ADHFE1: variants seen among roughly 807,000 people sequenced by gnomAD.
ADHFE1 encodes hydroxyacid-oxoacid transhydrogenase, mitochondrial.
Under a neutral mutation model 54.8 loss-of-function variants are expected in ADHFE1, and 37 were observed. The ratio of observed to expected loss-of-function variants is 0.68; its 90% CI spans 0.52 to 0.89. ADHFE1 has a LOEUF of 0.89. ADHFE1 is among the 40% of genes least tolerant of loss of function. The pLI is 0.00. For synonymous variants in ADHFE1, 203 were observed against 229.3 expected (o/e 0.89, Z 1.04); for missense variants, 601 against 591.2 (o/e 1.02, Z -0.17).
chr8:66,466,506 A>G (rs1428160923), intron 13 of ADHFE1, among the ~76,000 whole-genome samples: 1 of 151,220 alleles, frequency 6.6e-6, no homozygotes, highest in Non-Finnish European at 1.5e-5. Context: ...TTTTGAGCGA[A>G]TTTTTTTAAT....
intron 13 of ADHFE1, among the ~76,000 whole-genome samples, chr8:66,467,199 T>C (rs1807237437): frequency 6.6e-6 from 1 of 152,074 alleles, no homozygotes; most frequent in Non-Finnish European, 1.5e-5. Context: ...GACTGGGGCT[T>C]CATTTTGGAA....
intron 12 of ADHFE1, among the ~76,000 whole-genome samples, chr8:66,458,532 T>G (rs1471230526): frequency 1.3e-5 from 2 of 152,146 alleles, no homozygotes; most frequent in African/African-American, 4.8e-5. Context: ...AGCATGTAAA[T>G]AAGAAGAGAG....
intron 13 of ADHFE1, among the ~76,000 whole-genome samples, chr8:66,467,215 A>C (rs1015226261): frequency 6.6e-6 from 1 of 152,166 alleles, no homozygotes; most frequent in African/African-American, 2.4e-5. Flanking sequence ...TGGAAGTAGG[A>C]CTGACACTCC....
intron 6 of ADHFE1, among the ~76,000 whole-genome samples, chr8:66,446,944 C>G (rs1806065696): frequency 6.6e-6 from 1 of 152,204 alleles, no homozygotes; most frequent in Non-Finnish European, 1.5e-5. Flanking sequence ...AATGTACATG[C>G]TAAACATACA....
intron 8 of ADHFE1, 152 bp from the exon 9 acceptor site, chr8:66,451,801 T>C: frequency 1.3e-6 from 1 of 776,482 alleles, no homozygotes; most frequent in Non-Finnish European, 2.0e-6. Flanking sequence ...AGGCAAGAGG[T>C]GGGCTGGTAG....
intron 10 of ADHFE1, 145 bp downstream of exon 10, chr8:66,454,302 T>C: frequency 1.4e-6 from 1 of 727,732 alleles, no homozygotes; most frequent in East Asian, 3.1e-5. Context: ...TATTCTTCTT[T>C]TTCTTTTTTT....
chr8:66,462,741 G>T (rs1396870601), intron 13 of ADHFE1, among the ~76,000 whole-genome samples: 1 of 152,206 alleles, frequency 6.6e-6, no homozygotes, highest in Non-Finnish European at 1.5e-5. Context: ...TTGGCGATTT[G>T]ATTGCTGACC....
rs373976768 is a variant in ADHFE1, at chr8:66,454,182, C to T, written c.986+25C>T. The T allele has an allele frequency of 1.6e-5, 25 of 1,610,110 alleles. No individual in the cohort carries two copies. The African/African-American group carries it at 3.3e-4, about 22-fold the overall frequency. ...GGTGAGCAAGTCTGAGATTTCATTT[C>T]TTTACTCAAGCTATTGCTTTAAAAA... On this transcript the variant is annotated intron_variant, in intron 10 of 13. Coordinates refer to ENST00000396623, the MANE Select transcript of ADHFE1 (RefSeq NM_144650.3).
In ADHFE1 at chr8:66,445,423, T is replaced by C. The variant is rs772018036; in HGVS notation, c.550+9T>C. ...TAAGCCTCTGATTGCAGGTAAAGAC[T>C]GTTTATTTCTTTGTTTGTTTTATTT... On this transcript the variant is annotated intron_variant, in intron 6 of 13. Transcript: ENST00000396623. 2 of 1,589,204 alleles carry C rather than the reference T, an allele frequency of 1.3e-6. No individual in the cohort carries two copies. Among genetic ancestry groups the C allele is most frequent in the Non-Finnish European group, 8.5e-7 (1 of 1,170,812 alleles).
intron 10 of ADHFE1, among the ~76,000 whole-genome samples, chr8:66,454,800 A>G (rs1056528048): frequency 2.7e-5 from 4 of 150,264 alleles, no homozygotes; most frequent in African/African-American, 7.4e-5. Context: ...TGCAACCTCC[A>G]CCTCCCAGGT....
At position 66,457,058 on chromosome 8, in the gene ADHFE1, G is replaced by C; in HGVS notation, c.1066-12G>C. 6.2e-7 allele frequency: 1 copy of C among 1,609,070 alleles called. No individual in the cohort carries two copies. The highest frequency in any genetic ancestry group is 8.5e-7 in the Non-Finnish European group (1 of 1,177,120). On this transcript the variant is annotated splice_polypyrimidine_tract_variant and intron_variant, in intron 11 of 13. Coordinates refer to ENST00000396623, the MANE Select transcript of ADHFE1 (RefSeq NM_144650.3). The stretch of plus-strand genomic sequence containing the variant: ...TGTCATCTGCCGGTCACCGCATTTC[G>C]TTTCTCCCCAGCCCCATGGCCTTTC...
At chr8:66,461,888 T>G (rs1806917734) in intron 13 of ADHFE1, among the ~76,000 whole-genome samples, 1 of 151,676 alleles carries the variant, frequency 6.6e-6, no homozygotes, top group Admixed American at 6.6e-5. Context: ...AACAAAGGAG[T>G]CTCAAAGTAT....
chr8:66,442,480 T>C (rs1373232189), intron 2 of ADHFE1, among the ~76,000 whole-genome samples: 2 of 151,862 alleles, frequency 1.3e-5, no homozygotes, highest in East Asian at 3.9e-4. Flanking sequence ...CTGGCTAATT[T>C]TTTTGTATTT....
chr8:66,432,863 G>A (rs1805274938), intron 1 of ADHFE1: 1 of 1,212,988 alleles, frequency 8.2e-7, no homozygotes, highest in South Asian at 4.3e-5. Context: ...GCAGTGGAGA[G>A]CTTGGCACGG....
chr8:66,442,610 C>T (rs1254536104), intron 2 of ADHFE1, among the ~76,000 whole-genome samples, 188 bp from the exon 3 acceptor site: 4 of 152,144 alleles, frequency 2.6e-5, no homozygotes, highest in Non-Finnish European at 2.9e-5. Flanking sequence ...TGTGCTTGGC[C>T]GCATTACATT....
rs1442399205 is a variant in ADHFE1, at chr8:66,439,008, T to C, written c.60-1154T>C. On this transcript the variant is annotated intron_variant, in intron 1 of 13. Coordinates refer to ENST00000396623, the MANE Select transcript of ADHFE1 (RefSeq NM_144650.3). This position sits in a 1 kb window ranked among gnomAD's most constrained non-coding sequence, Gnocchi z 4.4. ...ATTAGAGGGCATAAAGCAGGGAAAG[T>C]CTTCCAACCAAAGCCCACCGTGAAG... Among the ~76,000 whole-genome samples the C allele has an allele frequency of 6.6e-6, 1 of 151,730 alleles. No homozygotes were observed. The highest frequency in any genetic ancestry group is 1.5e-5 in the Non-Finnish European group (1 of 67,918).
At chr8:66,435,749 A>C (rs1805428432) in intron 1 of ADHFE1, among the ~76,000 whole-genome samples, 1 of 149,844 alleles carries the variant, frequency 6.7e-6, no homozygotes, top group African/African-American at 2.5e-5. Context: ...AGTAGCTGGG[A>C]CTACAGTGCA....
chr8:66,438,184 G>C (rs1270680155), intron 1 of ADHFE1, among the ~76,000 whole-genome samples: 1 of 152,170 alleles, frequency 6.6e-6, no homozygotes, highest in African/African-American at 2.4e-5. Flanking sequence ...AGGTGGCAGA[G>C]GTGGAGCCAC....
intron 5 of ADHFE1, among the ~76,000 whole-genome samples, chr8:66,445,016 G>A (rs892191220): frequency 1.3e-5 from 2 of 151,986 alleles, no homozygotes; most frequent in East Asian, 1.9e-4. Context: ...TGGGAGAATC[G>A]CTTGAACCCA....
Sources: gnomAD v4.1 joint callset for allele counts (sites outside exome capture counted in the v4.1 genomes callset) on GRCh38, gnomAD v4.1.1 for gene constraint, Gnocchi (gnomAD v3.1) non-coding constraint, MANE v1.5 for transcripts, NCBI Gene and HGNC (gene_info 2026-07-23, HGNC 2026-07-21) for gene names.